The following NEBL variants were observed in gnomAD, a reference collection of about 807,000 sequenced individuals.
The protein encoded by NEBL is LIM and SH3 protein 2.
Under a neutral mutation model 140.2 loss-of-function variants are expected in NEBL, and 122 were observed. That is an observed-to-expected ratio of 0.87 (90% confidence interval 0.75 to 1.01). The LOEUF is 1.01. Among genes scored for constraint, NEBL ranks in the 50% least tolerant of loss-of-function variants. The probability of loss-of-function intolerance (pLI) is 0.00; values close to 1 mark genes in which losing one functional copy is unlikely to be tolerated. For synonymous variants in NEBL, 436 were observed against 398.9 expected (o/e 1.09, Z -1.11); for missense variants, 1,365 against 1,231.3 (o/e 1.11, Z -1.62).
chr10:21,254,984 T>G (rs968504545), intron 1 of NEBL, among the ~76,000 whole-genome samples: 7 of 152,138 alleles, frequency 4.6e-5, no homozygotes, highest in African/African-American at 1.7e-4. Flanking sequence ...TAGTGTGTGT[T>G]GGGGTAACAA....
intron 2 of NEBL, chr10:21,126,142 C>A (rs1838820642): frequency 6.3e-7 from 1 of 1,592,662 alleles, no homozygotes; most frequent in East Asian, 2.3e-5. Context: ...TAAAGTGCAG[C>A]TGTCCGTTCT....
Position 20,850,457 on chromosome 10 carries a change from G to T in NEBL, c.1054C>A (p.Leu352Ile). Reference sequence around the variant, plus strand: ...TATGATGGTGTCTCAACAAATTCAAGCATTGGCTTTCCCTTATTTTTCTCA... The same window carrying T: ...TATGATGGTGTCTCAACAAATTCAATCATTGGCTTTCCCTTATTTTTCTCA... ...EYEKNKGKPM[L>I]EFVETPSYQA... Residue 352 changes from leucine (L) to isoleucine (I), a missense_variant, in exon 11 of 28, where the codon CTT (leucine) becomes ATT (isoleucine). By Grantham distance (5) the Leu-to-Ile change is conservative. Coordinates refer to ENST00000377122, the MANE Select transcript of NEBL (RefSeq NM_006393.3). 6.2e-7 allele frequency: 1 copy of T among 1,612,104 alleles called. No homozygotes were observed. The highest frequency in any genetic ancestry group is 8.5e-7 in the Non-Finnish European group (1 of 1,178,316).
In NEBL at chr10:20,812,810, G is replaced by A; in HGVS notation, c.2477C>T (p.Pro826Leu). ...VSDAAYKGVHPHIVEMDRRPG... is the reference protein window; with the variant it reads ...VSDAAYKGVHLHIVEMDRRPG... ...TCTCCTGTCCATCTCCACGATGTGA[G>A]GGTGGACCCCTTTATAGGCAGCATC... Residue 826 changes from proline to leucine, a missense_variant, in exon 24 of 28, where the codon CCT becomes CTT. Physicochemically the swap from Pro to Leu is moderately conservative, Grantham distance 98. This residue lies in a region of NEBL where 1,323 missense variants were observed against 1,154.8 expected (regional missense o/e 1.15). Coordinates refer to ENST00000377122, the MANE Select transcript of NEBL (RefSeq NM_006393.3). The A allele has an allele frequency of 6.2e-7, 1 of 1,613,958 alleles. No individual in the cohort carries two copies. Among genetic ancestry groups the A allele is most frequent in the Non-Finnish European group, 8.5e-7 (1 of 1,179,942 alleles).
intron 3 of NEBL, among the ~76,000 whole-genome samples, chr10:20,990,212 A>G (rs1837406121): frequency 6.6e-6 from 1 of 152,200 alleles, no homozygotes; most frequent in African/African-American, 2.4e-5. Flanking sequence ...CAGCCAATAA[A>G]CTTTATACAA....
rs116984966 is a variant in NEBL, at chr10:21,200,124, C to A, written n.349-27647G>T. ...AATGGTGTTTCCATTTCTGCCCCAG[C>A]CCAACCCTGCATTCCTCGCTACCCT... On this transcript the variant is annotated intron_variant and non_coding_transcript_variant, in intron 3 of 8. Coordinates refer to the NEBL transcript ENST00000675702. Among the ~76,000 whole-genome samples the A allele has an allele frequency of 1.0e-3, 156 of 152,104 alleles. 1 individual carries two copies. The highest frequency in any genetic ancestry group is 2.4e-3 in the Admixed American group (37 of 15,278).
intron 3 of NEBL, among the ~76,000 whole-genome samples, chr10:21,017,341 A>T (rs996834295): frequency 1.3e-5 from 2 of 152,196 alleles, no homozygotes; most frequent in African/African-American, 4.8e-5. Context: ...CTTGAATTGC[A>T]TTGAATTTCC....
intron 2 of NEBL, among the ~76,000 whole-genome samples, chr10:21,047,730 T>C (rs1834584889): frequency 6.6e-6 from 1 of 152,172 alleles, no homozygotes; most frequent in Admixed American, 6.5e-5. Flanking sequence ...TCTTAATCCT[T>C]GTTCTGCCAC....
intron 1 of NEBL, among the ~76,000 whole-genome samples, chr10:21,273,924 C>T (rs145802152): frequency 3.3e-5 from 5 of 152,304 alleles, no homozygotes; most frequent in Non-Finnish European, 5.9e-5. Context: ...CCTCTGCCCA[C>T]GCTAGCTCTG....
intron 4 of NEBL, among the ~76,000 whole-genome samples, chr10:20,886,366 A>G (rs1846519632): frequency 6.6e-6 from 1 of 151,866 alleles, no homozygotes; most frequent in South Asian, 2.1e-4. Flanking sequence ...CTACTAAAAA[A>G]AAAAATACAA....
rs200226927 is a variant in NEBL at position 21,058,562 on chromosome 10, TA to T, written c.165-38362del. 7.3e-5 allele frequency among the ~76,000 whole-genome samples: 11 copies of T among 150,318 alleles called. No individual in the cohort carries two copies. The East Asian group carries it at 7.9e-4, about 11-fold the overall frequency. ...GTGTAGATAAAGTTTTGTAGTGTAT[TA>T]AAAAAAAACAACTTGTAAAAGAAAC... is the stretch of plus-strand genomic sequence containing the variant. On this transcript the variant is annotated intron_variant, in intron 2 of 6. Coordinates refer to the NEBL transcript ENST00000417816.
chr10:21,097,577 G>A lies in NEBL; in HGVS notation c.164+74806C>T, dbSNP rs112886429. On this transcript the variant is annotated intron_variant, in intron 2 of 6. Transcript: ENST00000417816. Reference sequence around the variant, plus strand: ...AATGAGTCATTTTGTATATTGCCAGGCCCTGGGCTCTGCCTGTACTATTCT... The same window carrying A: ...AATGAGTCATTTTGTATATTGCCAGACCCTGGGCTCTGCCTGTACTATTCT... 1.2e-4 allele frequency among the ~76,000 whole-genome samples: 19 copies of A among 152,232 alleles called. 1 individual carries two copies. Among genetic ancestry groups the A allele is most frequent in the African/African-American group, 4.6e-4 (19 of 41,538 alleles).
chr10:20,858,327 G>C lies in NEBL; in HGVS notation c.816C>G (p.Asp272Glu), dbSNP rs1843304012. ...AAACTGGATCATGCATATTTTGAAT[G>C]TCTTTCTTGTACTTCACCTATGAAA... The part of the protein sequence containing the change: ...TLASNVKYKK[D>E]IQNMHDPVSD... Residue 272 changes from aspartate (D) to glutamate (E), a missense_variant, in exon 9 of 28, where the codon GAC becomes GAG. By Grantham distance (45) the Asp-to-Glu change is conservative. Around this residue, in one of 2 missense-constraint regions of NEBL, gnomAD observed 1,323 missense variants for 1,154.8 expected, o/e 1.15. Coordinates refer to ENST00000377122, the MANE Select transcript of NEBL (RefSeq NM_006393.3). 6.2e-7 allele frequency: 1 copy of C among 1,602,024 alleles called. No individual in the cohort carries two copies.
chr10:20,949,839 C>A (rs1379560497), intron 4 of NEBL, among the ~76,000 whole-genome samples: 1 of 151,802 alleles, frequency 6.6e-6, no homozygotes, highest in African/African-American at 2.4e-5. Flanking sequence ...TTCTGGAATA[C>A]TGATAGGCAA....
rs895436645 is a variant in NEBL, at chr10:20,812,940, C to T, written c.2347G>A (p.Val783Ile). Reference protein sequence around the residue: ...VKEAQNHISMVKYHEDFEKTK... With the variant: ...VKEAQNHISMIKYHEDFEKTK... Reference sequence around the variant, plus strand: ...TTTTCAAAATCTTCATGGTATTTTACCTGAAAAAGGAAAAATCATCATACT... The same window carrying T: ...TTTTCAAAATCTTCATGGTATTTTATCTGAAAAAGGAAAAATCATCATACT... The change falls in exon 24 of 28, where the codon GTA (valine) becomes ATA (isoleucine). Residue 783 changes from valine to isoleucine, a missense_variant and splice_region_variant. By Grantham distance (29) the Val-to-Ile change is conservative. Around this residue, in one of 2 missense-constraint regions of NEBL, gnomAD observed 1,323 missense variants for 1,154.8 expected, o/e 1.15. Coordinates refer to ENST00000377122, the MANE Select transcript of NEBL (RefSeq NM_006393.3). 6.2e-7 allele frequency: 1 copy of T among 1,613,200 alleles called. No homozygotes were observed. The highest frequency in any genetic ancestry group is 1.3e-5 in the African/African-American group (1 of 74,858).
chr10:21,091,550 T>G (rs1263020682), intron 2 of NEBL, among the ~76,000 whole-genome samples: 2 of 152,214 alleles, frequency 1.3e-5, no homozygotes, highest in African/African-American at 4.8e-5. Flanking sequence ...TCTGAAATTC[T>G]CCCAAATTCA....
intron 4 of NEBL, chr10:20,961,649 C>T: frequency 1.4e-6 from 2 of 1,479,908 alleles, no homozygotes; most frequent in Middle Eastern, 1.7e-4. Flanking sequence ...AGCCATCATG[C>T]TATTGAATAA....
At chr10:20,825,488 C>A (rs923160789) in intron 18 of NEBL, among the ~76,000 whole-genome samples, 1 of 151,952 alleles carries the variant, frequency 6.6e-6, no homozygotes, top group African/African-American at 2.4e-5. Context: ...GAAACCCCAT[C>A]TCTACTAAAA....
chr10:21,162,203 G>A (rs1313158292), intron 2 of NEBL, among the ~76,000 whole-genome samples: 1 of 152,202 alleles, frequency 6.6e-6, no homozygotes, highest in Non-Finnish European at 1.5e-5. Context: ...CAAGGACAGG[G>A]AAGCCCCATA....
At chr10:21,090,189 T>C (rs774263915) in intron 2 of NEBL, among the ~76,000 whole-genome samples, 3 of 152,168 alleles carry the variant, frequency 2.0e-5, no homozygotes, top group Non-Finnish European at 2.9e-5. Flanking sequence ...CAAAACAGTA[T>C]TTATCACCCC....
Sources: gnomAD v4.1 joint callset for allele counts (sites outside exome capture counted in the v4.1 genomes callset) on GRCh38, gnomAD v4.1.1 for gene constraint, gnomAD v4.1.1 regional missense constraint, MANE v1.5 for transcripts, NCBI Gene and HGNC (gene_info 2026-07-23, HGNC 2026-07-21) for gene names.